The following ANKS1B variants were observed in gnomAD, a reference collection of about 807,000 sequenced individuals.
ANKS1B encodes ankyrin repeat and sterile alpha motif domain-containing protein 1B.
Under a neutral mutation model 148.3 loss-of-function variants are expected in ANKS1B, and 36 were observed. The ratio of observed to expected loss-of-function variants is 0.24; its 90% CI spans 0.19 to 0.32. The LOEUF is 0.32. Ranked by LOEUF, ANKS1B falls within the 10% of genes least tolerant of loss-of-function variation. The pLI is 1.00. For synonymous variants in ANKS1B, 542 were observed against 560.8 expected (o/e 0.97, Z 0.47); for missense variants, 1,157 against 1,542.6 (o/e 0.75, Z 4.19).
At chr12:99,705,423 G>A (rs751851212) in intron 8 of ANKS1B, among the ~76,000 whole-genome samples, 1 of 152,044 alleles carries the variant, frequency 6.6e-6, no homozygotes, top group South Asian at 2.1e-4. Context: ...GGATGTTCCG[G>A]TCAAAAGGAA....
At chr12:99,721,231 C>T (rs956380175) in intron 8 of ANKS1B, among the ~76,000 whole-genome samples, 3 of 152,250 alleles carry the variant, frequency 2.0e-5, no homozygotes, top group South Asian at 2.1e-4. Context: ...TGAGAAACAT[C>T]GCCCGTTATC....
chr12:99,684,694 T>G (rs1030361089), intron 8 of ANKS1B, among the ~76,000 whole-genome samples: 2 of 152,110 alleles, frequency 1.3e-5, no homozygotes, highest in Non-Finnish European at 2.9e-5. Flanking sequence ...AAATCTGTAG[T>G]CACCAAAACA....
rs182685101 is a variant in ANKS1B, at chr12:98,967,988, T to C, written c.2778+85169A>G. On this transcript the variant is annotated intron_variant, in intron 17 of 26. Coordinates refer to ENST00000683438, the MANE Select transcript of ANKS1B (RefSeq NM_001352186.2). ...TATGGACTGGGATTGGGGTGGGCAC[T>C]GGAGACTATTCAAGAGGGCATTTTT... Among the ~76,000 whole-genome samples, 16 of 152,130 alleles carry C rather than the reference T, an allele frequency of 1.1e-4. 1 individual carries two copies. The East Asian group carries it at 3.1e-3, about 29-fold the overall frequency.
chr12:99,324,302 G>A (rs1489269565), intron 12 of ANKS1B, among the ~76,000 whole-genome samples: 1 of 152,044 alleles, frequency 6.6e-6, no homozygotes, highest in Non-Finnish European at 1.5e-5. Context: ...TAATTTTACA[G>A]GTGGGAAATT....
chr12:99,505,226 G>A (rs980299992), intron 9 of ANKS1B, among the ~76,000 whole-genome samples: 2 of 152,044 alleles, frequency 1.3e-5, no homozygotes, highest in Non-Finnish European at 2.9e-5. Flanking sequence ...AGCCAAGAAT[G>A]GCAACAGAAG....
intron 17 of ANKS1B, among the ~76,000 whole-genome samples, chr12:98,884,955 A>G (rs1384480401): frequency 2.0e-5 from 3 of 151,508 alleles, no homozygotes; most frequent in Admixed American, 2.0e-4. Context: ...CAAACTTAAA[A>G]TACCACAAAA....
chr12:99,232,604 A>G (rs1049220360), intron 14 of ANKS1B, among the ~76,000 whole-genome samples: 1 of 152,224 alleles, frequency 6.6e-6, no homozygotes, highest in African/African-American at 2.4e-5. Flanking sequence ...CCTGATTCTT[A>G]GAAAAGTGTG....
intron 8 of ANKS1B, among the ~76,000 whole-genome samples, chr12:99,734,898 C>T (rs2059478595): frequency 6.6e-6 from 1 of 152,128 alleles, no homozygotes; most frequent in South Asian, 2.1e-4. Flanking sequence ...ACACTGTTGA[C>T]TACATACATC....
At chr12:99,782,211 C>T (rs1025699261) in intron 4 of ANKS1B, 114 bp from the exon 5 acceptor site, 2 of 835,116 alleles carry the variant, frequency 2.4e-6, no homozygotes, top group Non-Finnish European at 3.7e-6. Flanking sequence ...AATCTCAGCT[C>T]TCCCTAACAG....
intron 1 of ANKS1B, among the ~76,000 whole-genome samples, chr12:99,939,347 C>T (rs1010559297): frequency 6.6e-6 from 1 of 152,140 alleles, no homozygotes; most frequent in African/African-American, 2.4e-5. Context: ...ACCTCAGCCT[C>T]CCAAAGTGCT....
intron 1 of ANKS1B, among the ~76,000 whole-genome samples, chr12:99,903,975 A>T (rs61940357): frequency 0.19 from 29,324 of 152,128 alleles, 3,056 homozygotes; most frequent in Non-Finnish European, 0.24. Flanking sequence ...GCCATATTTC[A>T]AGTGATCAAG....
intron 17 of ANKS1B, among the ~76,000 whole-genome samples, chr12:98,959,976 C>T (rs2099868485): frequency 6.6e-6 from 1 of 152,134 alleles, no homozygotes; most frequent in South Asian, 2.1e-4. Context: ...AGTAAGGCAC[C>T]AGGTATATTC....
At chr12:99,147,939 G>GT (rs757568509) in intron 15 of ANKS1B, among the ~76,000 whole-genome samples, 8 of 152,002 alleles carry the variant, frequency 5.3e-5, no homozygotes, top group Non-Finnish European at 8.8e-5. Flanking sequence ...CAGGGAACTG[G>GT]TAAGAAGCAG....
At chr12:99,660,527 T>A (rs1423719721) in intron 8 of ANKS1B, among the ~76,000 whole-genome samples, 1 of 151,576 alleles carries the variant, frequency 6.6e-6, no homozygotes, top group Non-Finnish European at 1.5e-5. Context: ...TCACACCTAA[T>A]TTTTTGTATT....
chr12:98,879,203 C>A (rs1222538908), intron 17 of ANKS1B, among the ~76,000 whole-genome samples: 1 of 152,182 alleles, frequency 6.6e-6, no homozygotes, highest in Non-Finnish European at 1.5e-5. Flanking sequence ...GAAATAAGTA[C>A]AGGAAACTTC....
intron 9 of ANKS1B, among the ~76,000 whole-genome samples, chr12:99,543,502 T>A (rs985712136): frequency 3.9e-5 from 6 of 152,134 alleles, no homozygotes; most frequent in African/African-American, 1.4e-4. Flanking sequence ...AAAACAAATG[T>A]TCATACAAAA....
At chr12:99,342,436 A>G (rs1016921480) in intron 12 of ANKS1B, among the ~76,000 whole-genome samples, 3 of 151,992 alleles carry the variant, frequency 2.0e-5, no homozygotes, top group African/African-American at 7.2e-5. Flanking sequence ...CTAATCATAG[A>G]CAGTAAGTAA....
At chr12:99,532,730 C>A (rs1016226361) in intron 9 of ANKS1B, among the ~76,000 whole-genome samples, 8 of 152,236 alleles carry the variant, frequency 5.3e-5, no homozygotes, top group African/African-American at 1.9e-4. Context: ...AGTTTTCATT[C>A]TTCTATACGT....
At chr12:99,937,251 T>C (rs929005154) in intron 1 of ANKS1B, among the ~76,000 whole-genome samples, 4 of 152,090 alleles carry the variant, frequency 2.6e-5, no homozygotes, top group African/African-American at 9.7e-5. Flanking sequence ...CCCACCCTTC[T>C]CTGCAGGGGC....
Sources: gnomAD v4.1 joint callset for allele counts (sites outside exome capture counted in the v4.1 genomes callset) on GRCh38, gnomAD v4.1.1 for gene constraint, MANE v1.5 for transcripts, NCBI Gene and HGNC (gene_info 2026-07-23, HGNC 2026-07-21) for gene names.